The following HNRNPH1 variants were observed in gnomAD, a reference collection of about 807,000 sequenced individuals.
The protein encoded by HNRNPH1 is heterogeneous nuclear ribonucleoprotein H1, also known as heterogeneous nuclear ribonucleoprotein H.
HNRNPH1 carries 4 observed loss-of-function variants against 58.6 expected under a neutral mutation model. The observed-to-expected ratio is 0.07, with a 90% confidence interval of 0.03 to 0.16. HNRNPH1 has a LOEUF of 0.16. Ranked by LOEUF, HNRNPH1 falls within the 10% of genes least tolerant of loss-of-function variation. The probability of loss-of-function intolerance (pLI) is 1.00; values close to 1 mark genes in which losing one functional copy is unlikely to be tolerated. For synonymous variants in HNRNPH1, 192 were observed against 189.2 expected, an observed-to-expected ratio of 1.01 and a Z score of -0.12; for missense variants, 271 against 564.2, an observed-to-expected ratio of 0.48 and a Z score of 5.26.
chr5:179,621,736 A>C, intron 1 of HNRNPH1: 1 of 382,222 alleles, frequency 2.6e-6, no homozygotes, highest in Non-Finnish European at 5.0e-6. Context: ...TACGGCAAAC[A>C]TACTTCGTTG....
chr5:179,615,043 A>G (rs1159051782), intron 12 of HNRNPH1, 84 bp from the exon 14 acceptor site: 16 of 866,940 alleles, frequency 1.8e-5, no homozygotes, highest in Admixed American at 8.1e-5. Context: ...AAAAGTTTAA[A>G]AAGTATACGA....
chr5:179,623,893 C>G (rs1285906494), exon 1 of HNRNPH1: 1 of 152,328 alleles, frequency 6.6e-6, no homozygotes, highest in Non-Finnish European at 1.5e-5. Context: ...CTGCGCCTTC[C>G]CGCGAATATT....
upstream of HNRNPH1, among the ~76,000 whole-genome samples, chr5:179,626,528 C>T (rs1774412354): frequency 6.6e-6 from 1 of 151,166 alleles, no homozygotes; most frequent in Non-Finnish European, 1.5e-5. Context: ...CCAGCCTGAC[C>T]AACATGGTGA....
At chr5:179,622,284 GA>G (rs1249185802) in intron 1 of HNRNPH1, among the ~76,000 whole-genome samples, 2 of 152,132 alleles carry the variant, frequency 1.3e-5, no homozygotes, top group Admixed American at 6.6e-5. Flanking sequence ...TCCTTTTTAA[GA>G]AAACACCAAA....
upstream of HNRNPH1, among the ~76,000 whole-genome samples, chr5:179,628,339 C>G (rs899501846): frequency 2.1e-4 from 32 of 152,000 alleles, no homozygotes; most frequent in South Asian, 1.0e-3. Context: ...TTTTCTTCTG[C>G]TTTTTTAAAA....
intron 1 of HNRNPH1, among the ~76,000 whole-genome samples, chr5:179,622,233 A>G (rs1772779948): frequency 6.6e-6 from 1 of 152,264 alleles, no homozygotes; most frequent in Non-Finnish European, 1.5e-5. Flanking sequence ...GATTAGGAAA[A>G]CTGAAATTAA....
At chr5:179,616,163 T>G in exon 11 of HNRNPH1, 5 of 1,614,140 alleles carry the variant, frequency 3.1e-6, no homozygotes, top group Non-Finnish European at 4.2e-6. Context: ...CGTAGCCGCC[T>G]CCGTAACCCC....
chr5:179,633,872 C>T (rs1775046803), intron 2 of HNRNPH1: 1 of 151,936 alleles, frequency 6.6e-6, no homozygotes, highest in South Asian at 2.1e-4. Flanking sequence ...GTTCGGGCCA[C>T]TGCACTCCAC....
At chr5:179,615,478 T>A in intron 12 of HNRNPH1, 68 bp downstream of exon 13, 1 of 872,376 alleles carries the variant, frequency 1.1e-6, no homozygotes, top group Non-Finnish European at 1.9e-6. Context: ...TTGACTGCTA[T>A]AGAAAGCATT....
chr5:179,623,446 T>G, exon 1 of HNRNPH1: 3 of 216,986 alleles, frequency 1.4e-5, no homozygotes, highest in Non-Finnish European at 1.9e-5. Context: ...TCTCACACAA[T>G]AGAGTCGGCG....
At chr5:179,623,633 C>CACCTAGACACGCGACTT (rs1773894412) in exon 1 of HNRNPH1, 1 of 153,950 alleles carries the variant, frequency 6.5e-6, no homozygotes, top group Non-Finnish European at 1.5e-5. Flanking sequence ...CACCGCGACT[C>CACCTAGACACGCGACTT]ACCTAGACAC....
chr5:179,628,105 G>A (rs1774536670), upstream of HNRNPH1, among the ~76,000 whole-genome samples: 1 of 152,008 alleles, frequency 6.6e-6, no homozygotes, highest in Non-Finnish European at 1.5e-5. Flanking sequence ...TTACAGGTGT[G>A]AGCCACTGCA....
intron 1 of HNRNPH1, 43 bp downstream of exon 2, chr5:179,622,994 C>A (rs1773444351): frequency 1.2e-6 from 1 of 869,056 alleles, no homozygotes; most frequent in African/African-American, 1.8e-5. Context: ...GCCCGCCCGC[C>A]CCGGCCTCGA....
In HNRNPH1 at chr5:179,615,656, TG is replaced by T. The variant is rs1211041375; in HGVS notation, c.1301-62del. 5 of 849,628 alleles carry T rather than the reference TG, an allele frequency of 5.9e-6. No homozygotes were observed. The Admixed American group carries it at 9.3e-5, about 16-fold the overall frequency. 52.6% of individuals were successfully genotyped at this position (849,628 alleles called of 1,614,324 possible). A position where few individuals can be genotyped will look rare whatever the true frequency, so the allele number is the denominator to read the frequency against. On this transcript the variant is annotated intron_variant, in intron 11 of 12. Transcript: ENST00000356731. Reference sequence around the variant, plus strand: ...CAAAATCACCATTCTTTAGACCAATTGAAAAAAAATAAATAAAACCAATCCT... The same window carrying T: ...CAAAATCACCATTCTTTAGACCAATTAAAAAAAATAAATAAAACCAATCCT...
chr5:179,625,976 A>G (rs1042348727), upstream of HNRNPH1, among the ~76,000 whole-genome samples: 1 of 141,400 alleles, frequency 7.1e-6, no homozygotes, highest in African/African-American at 2.6e-5. Context: ...TTTTGTAGCA[A>G]TGGGGTCTCA....
chr5:179,628,289 T>A (rs1238367320), upstream of HNRNPH1, among the ~76,000 whole-genome samples: 1 of 152,350 alleles, frequency 6.6e-6, no homozygotes, highest in African/African-American at 2.4e-5. Context: ...ACACATTTTG[T>A]ACAGCTTAGC....
chr5:179,617,194 A>G lies in HNRNPH1; in HGVS notation c.1058-84T>C, dbSNP rs988274003. 18 of 1,334,510 alleles carry G rather than the reference A, an allele frequency of 1.3e-5. No homozygotes were observed. The African/African-American group carries it at 2.2e-4, about 16-fold the overall frequency. 82.7% of individuals were successfully genotyped at this position (1,334,510 alleles called of 1,614,324 possible). ...ACTTTTATAAAGTTTTTAAACAAGC[A>G]GATCTGTGAACTTCAAATACTTTGG... On this transcript the variant is annotated intron_variant, in intron 8 of 12. Coordinates refer to ENST00000356731, the Ensembl canonical transcript of HNRNPH1.
rs1349762361 is a variant in HNRNPH1 at position 179,630,474 on chromosome 5, CT to C, written c.-32+3590del. On this transcript the variant is annotated intron_variant, in intron 2 of 4. Transcript: ENST00000521116. ...CAAATTAAATAAAATAACGCAAAGC[CT>C]TTGCAACTAATTTTCAAATTAATGA... Among the ~76,000 whole-genome samples, 5 of 152,262 alleles carry C rather than the reference CT, an allele frequency of 3.3e-5. No individual in the cohort carries two copies. The East Asian group carries it at 9.6e-4, about 29-fold the overall frequency.
chr5:179,631,040 A>C (rs1349850466), intron 2 of HNRNPH1, among the ~76,000 whole-genome samples: 2 of 152,190 alleles, frequency 1.3e-5, no homozygotes, highest in African/African-American at 4.8e-5. Context: ...TCATGGCAGC[A>C]TGAAATAGGG....
Sources: allele counts gnomAD v4.1 joint callset (sites outside exome capture counted in the v4.1 genomes callset), GRCh38; gene constraint gnomAD v4.1.1; transcripts MANE v1.5; gene names NCBI Gene and HGNC (gene_info 2026-07-23, HGNC 2026-07-21).